Variants in ATL2 observed in about 807,000 individuals in gnomAD.
The protein encoded by ATL2 is atlastin-2.
A neutral mutation model predicts 73.9 loss-of-function variants in ATL2; 31 were observed. The observed-to-expected ratio is 0.42, with a 90% CI of 0.32 to 0.57. The LOEUF is 0.57. ATL2 is among the 20% of genes least tolerant of loss of function. The probability of loss-of-function intolerance (pLI) is 0.14; values close to 1 mark genes in which losing one functional copy is unlikely to be tolerated. For missense variants in ATL2, 738 were observed against 702.6 expected (o/e 1.05, Z -0.57); for synonymous variants, 291 against 237.5 (o/e 1.23, Z -2.07).
At chr2:38,357,440 G>A (rs538775882) in intron 1 of ATL2, among the ~76,000 whole-genome samples, 3 of 151,084 alleles carry the variant, frequency 2.0e-5, no homozygotes, top group Non-Finnish European at 2.9e-5. Context: ...TATCACATTT[G>A]GGATTAAGGA....
chr2:38,329,848 G>A (rs940280318), intron 2 of ATL2, among the ~76,000 whole-genome samples: 3 of 152,120 alleles, frequency 2.0e-5, no homozygotes, highest in Non-Finnish European at 2.9e-5. Flanking sequence ...AAAAAAATCA[G>A]CTGGGCATGG....
intron 1 of ATL2, among the ~76,000 whole-genome samples, chr2:38,350,750 C>G (rs1179249409): frequency 6.6e-6 from 1 of 151,462 alleles, no homozygotes; most frequent in East Asian, 1.9e-4. Context: ...TGCTGTGAAG[C>G]TAAAATTGCT....
chr2:38,328,947 A>G (rs1668822259), intron 2 of ATL2, among the ~76,000 whole-genome samples: 1 of 151,966 alleles, frequency 6.6e-6, no homozygotes, highest in Non-Finnish European at 1.5e-5. Flanking sequence ...AAAAAAGATA[A>G]GACAAACTAG....
chr2:38,298,884 C>T (rs188950654), intron 11 of ATL2, among the ~76,000 whole-genome samples: 20 of 152,184 alleles, frequency 1.3e-4, no homozygotes, highest in South Asian at 6.2e-4. Flanking sequence ...GGCAAGAGAA[C>T]GGGTAAAAGA....
At chr2:38,376,148 T>A in intron 1 of ATL2, 3 of 1,532,036 alleles carry the variant, frequency 2.0e-6, no homozygotes, top group Non-Finnish European at 2.6e-6. Flanking sequence ...TATAAGCCTT[T>A]GAAAAAACTT....
chr2:38,347,856 T>G lies in ATL2; in HGVS notation c.119-4344A>C, dbSNP rs556695997. ...ATCTCGACTCACTGCAACCTCTGCC[T>G]CCTGGGTTCAAGCCATTCTCCTGTC... On this transcript the variant is annotated intron_variant, in intron 1 of 12. Coordinates refer to ENST00000378954, the MANE Select transcript of ATL2 (RefSeq NM_001135673.4). 4.1e-5 allele frequency among the ~76,000 whole-genome samples: 6 copies of G among 147,496 alleles called. 1 individual carries two copies. In the South Asian group the frequency reaches 1.3e-3, roughly 33 times the overall value.
intron 2 of ATL2, among the ~76,000 whole-genome samples, chr2:38,342,109 A>G (rs1669755589): frequency 6.6e-6 from 1 of 152,180 alleles, no homozygotes; most frequent in Non-Finnish European, 1.5e-5. Context: ...CTCGAGTGAA[A>G]AAATTTTTTT....
At position 38,374,381 on chromosome 2, in the gene ATL2, T is replaced by C. The variant is rs145893577; in HGVS notation, c.118+2762A>G. ...CTCAAATTTTCTAGAAAGTAAATAA[T>C]ACACCTGGACTTTGAAAACCCAAAA... On this transcript the variant is annotated intron_variant, in intron 1 of 12. Transcript: ENST00000378954. 2.3e-3 allele frequency among the ~76,000 whole-genome samples: 353 copies of C among 152,302 alleles called. 3 individuals carry two copies. Among genetic ancestry groups the C allele is most frequent in the African/African-American group, 7.8e-3 (323 of 41,558 alleles).
At chr2:38,299,226 C>T (rs1332092717) in intron 11 of ATL2, 30 bp downstream of exon 11, 2 of 1,484,028 alleles carry the variant, frequency 1.3e-6, no homozygotes, top group South Asian at 1.5e-5. Flanking sequence ...CTTCTCACTC[C>T]AGCATCAAAT....
rs1667136104 is a variant in ATL2, at chr2:38,300,618, CT to C, written c.1072-291del. Among the ~76,000 whole-genome samples, 2 of 152,168 alleles carry C rather than the reference CT, an allele frequency of 1.3e-5. 1 individual carries two copies. The highest frequency in any genetic ancestry group is 4.1e-4 in the South Asian group (2 of 4,830). On this transcript the variant is annotated intron_variant, in intron 9 of 12. Coordinates refer to ENST00000378954, the MANE Select transcript of ATL2 (RefSeq NM_001135673.4). ...ATGAAAAGAAATTCACAATTACCCC[CT>C]ATTGCCAGTGTTTTAATATTTTTAA...
intron 1 of ATL2, among the ~76,000 whole-genome samples, chr2:38,362,630 T>C (rs1671076048): frequency 6.6e-6 from 1 of 152,200 alleles, no homozygotes; most frequent in Admixed American, 6.5e-5. Context: ...GAACTGGAGG[T>C]GCATAAATCT....
upstream of ATL2, among the ~76,000 whole-genome samples, chr2:38,377,917 C>A (rs540083349): frequency 6.6e-6 from 1 of 152,240 alleles, no homozygotes; most frequent in South Asian, 2.1e-4. Context: ...TGAGACCTTC[C>A]CCCATCTTCT....
At chr2:38,305,246 G>A (rs1419061485) in intron 9 of ATL2, among the ~76,000 whole-genome samples, 2 of 152,018 alleles carry the variant, frequency 1.3e-5, no homozygotes, top group African/African-American at 4.8e-5. Flanking sequence ...TAAAGAAAGA[G>A]GACCGGGCGC....
intron 2 of ATL2, among the ~76,000 whole-genome samples, chr2:38,332,645 C>G (rs548604278): frequency 6.6e-6 from 1 of 152,088 alleles, no homozygotes; most frequent in African/African-American, 2.4e-5. Context: ...AAAGGAAAAA[C>G]AAAAAATCAA....
At chr2:38,377,094 G>A (rs747742407) in intron 1 of ATL2, 49 bp downstream of exon 1, 31 of 1,555,874 alleles carry the variant, frequency 2.0e-5, no homozygotes, top group Non-Finnish European at 2.5e-5. Context: ...CGAGCAGCGA[G>A]CGTCTCTCCC....
intron 2 of ATL2, among the ~76,000 whole-genome samples, chr2:38,333,369 G>T (rs907785147): frequency 2.0e-5 from 3 of 152,012 alleles, no homozygotes; most frequent in Non-Finnish European, 4.4e-5. Flanking sequence ...AAGGAGGTAG[G>T]GAGTTAATTA....
At chr2:38,322,190 CA>C (rs11405964) in intron 2 of ATL2, among the ~76,000 whole-genome samples, 321 of 138,562 alleles carry the variant, frequency 2.3e-3, no homozygotes, top group Admixed American at 2.6e-3. Flanking sequence ...CCCACAATGT[CA>C]AAAAAAAAAA....
rs373987670 is a variant in ATL2, at chr2:38,313,136, G to A, written c.804+15C>T. On this transcript the variant is annotated intron_variant, in intron 7 of 12. Coordinates refer to ENST00000378954, the MANE Select transcript of ATL2 (RefSeq NM_001135673.4). The stretch of plus-strand genomic sequence containing the variant: ...TTGGTGCTTATGTTCTCCTCTTTAA[G>A]CATTAGGGTCTTACCTGTAATCTCT... The A allele has an allele frequency of 1.3e-6, 2 of 1,586,752 alleles. No individual in the cohort carries two copies. The highest frequency in any genetic ancestry group is 1.7e-5 in the Admixed American group (1 of 58,686).
intron 3 of ATL2, 108 bp downstream of exon 3, chr2:38,318,777 G>GT: frequency 7.4e-7 from 1 of 1,356,746 alleles, no homozygotes; most frequent in Non-Finnish European, 1.0e-6. Flanking sequence ...ATAATAATCC[G>GT]TATGTTAAAG....
Sources: gnomAD v4.1 joint callset for allele counts (sites outside exome capture counted in the v4.1 genomes callset) on GRCh38, gnomAD v4.1.1 for gene constraint, MANE v1.5 for transcripts, NCBI Gene and HGNC (gene_info 2026-07-23, HGNC 2026-07-21) for gene names.